PDE7B: variants seen among roughly 807,000 people sequenced by gnomAD.
The protein encoded by PDE7B is 3',5'-cyclic-AMP phosphodiesterase 7B.
PDE7B carries 29 observed loss-of-function variants against 56.2 expected under a neutral mutation model. The ratio of observed to expected loss-of-function variants is 0.52; its 90% confidence interval spans 0.38 to 0.70. The LOEUF (loss-of-function observed/expected upper bound fraction) is 0.70, where lower values mean the gene tolerates loss of function less well. Among genes scored for constraint, PDE7B ranks in the 30% least tolerant of loss-of-function variants. PDE7B has a pLI of 0.00. For synonymous variants in PDE7B, 197 were observed against 196.9 expected, an observed-to-expected ratio of 1.00 and a Z score of 0.00; for missense variants, 490 against 565.0, an observed-to-expected ratio of 0.87 and a Z score of 1.35.
At chr6:135,935,192 A>ATATATATATATATTTT (rs1774397514) in intron 1 of PDE7B, among the ~76,000 whole-genome samples, 1 of 72,470 alleles carries the variant, frequency 1.4e-5, no homozygotes, top group Non-Finnish European at 2.2e-5. Flanking sequence ...ATATTTATTT[A>ATATATATATATATTTT]TATATATATA....
intron 3 of PDE7B, among the ~76,000 whole-genome samples, chr6:136,137,702 G>A (rs909773662): frequency 1.3e-5 from 2 of 151,982 alleles, no homozygotes; most frequent in African/African-American, 4.8e-5. Context: ...AAATTAATCA[G>A]CCCCTATACA....
At chr6:136,013,964 G>A (rs1038704166) in intron 2 of PDE7B, among the ~76,000 whole-genome samples, 18 of 152,112 alleles carry the variant, frequency 1.2e-4, no homozygotes, top group African/African-American at 3.9e-4. Context: ...TTCTCTGAGC[G>A]GTTCTTCCTG....
At chr6:136,181,418 T>A (rs1256924567) in intron 11 of PDE7B, 95 bp downstream of exon 11, 1 of 791,250 alleles carries the variant, frequency 1.3e-6, no homozygotes, top group Non-Finnish European at 2.2e-6. Context: ...ATCATGACAT[T>A]TGTTCTCTCA....
At chr6:136,051,964 C>T (rs1270477718) in intron 2 of PDE7B, among the ~76,000 whole-genome samples, 1 of 151,270 alleles carries the variant, frequency 6.6e-6, no homozygotes, top group Non-Finnish European at 1.5e-5. Flanking sequence ...TAAGCAGAGG[C>T]ACATGTATGG....
At chr6:135,912,100 CCA>C (rs954159455) in intron 1 of PDE7B, among the ~76,000 whole-genome samples, 3 of 152,232 alleles carry the variant, frequency 2.0e-5, no homozygotes, top group Non-Finnish European at 4.4e-5. Flanking sequence ...TCACTTTCCA[CCA>C]CACACACGTT....
intron 2 of PDE7B, among the ~76,000 whole-genome samples, chr6:135,948,838 A>T (rs1261113630): frequency 1.3e-5 from 2 of 149,932 alleles, no homozygotes; most frequent in African/African-American, 4.9e-5. Flanking sequence ...CTAATATTTC[A>T]GGTACTAGAT....
intron 1 of PDE7B, among the ~76,000 whole-genome samples, chr6:135,889,815 C>T (rs563509821): frequency 1.7e-4 from 23 of 134,382 alleles, no homozygotes; most frequent in South Asian, 9.6e-4. Context: ...GCAAATGACG[C>T]GATCTCAGCT....
chr6:135,963,807 G>A (rs1339122722), intron 2 of PDE7B, among the ~76,000 whole-genome samples: 1 of 152,124 alleles, frequency 6.6e-6, no homozygotes, highest in African/African-American at 2.4e-5. Context: ...TCTTTAGAGT[G>A]ACTTTTTTCT....
chr6:135,880,191 C>T (rs1775580890), intron 1 of PDE7B, among the ~76,000 whole-genome samples: 1 of 152,112 alleles, frequency 6.6e-6, no homozygotes, highest in African/African-American at 2.4e-5. Context: ...CTTGAGTTGC[C>T]TGACAGTAAA....
At chr6:135,973,173 A>G (rs1189012857) in intron 2 of PDE7B, among the ~76,000 whole-genome samples, 1 of 151,144 alleles carries the variant, frequency 6.6e-6, no homozygotes, top group African/African-American at 2.5e-5. Context: ...GTATTCTACT[A>G]TTTGATTCTA....
At chr6:135,995,450 A>G (rs1399582024) in intron 2 of PDE7B, among the ~76,000 whole-genome samples, 1 of 152,206 alleles carries the variant, frequency 6.6e-6, no homozygotes, top group East Asian at 1.9e-4. Flanking sequence ...GGCAGAACAA[A>G]TTTCTGACTC....
intron 2 of PDE7B, among the ~76,000 whole-genome samples, chr6:136,039,309 C>A (rs1776377424): frequency 6.6e-6 from 1 of 152,022 alleles, no homozygotes; most frequent in Admixed American, 6.6e-5. Flanking sequence ...ACAGGGCACT[C>A]TCTTTCTTTG....
At chr6:135,886,941 C>T (rs1775719967) in intron 1 of PDE7B, among the ~76,000 whole-genome samples, 1 of 152,056 alleles carries the variant, frequency 6.6e-6, no homozygotes, top group African/African-American at 2.4e-5. Flanking sequence ...AGGATCCTCC[C>T]TATTGTTTTC....
At chr6:136,042,438 C>T (rs928601288) in intron 2 of PDE7B, among the ~76,000 whole-genome samples, 1 of 152,174 alleles carries the variant, frequency 6.6e-6, no homozygotes, top group Non-Finnish European at 1.5e-5. Context: ...GGAAACTTAC[C>T]TTTCATTTCG....
chr6:135,971,700 A>G (rs1360313376), intron 2 of PDE7B, among the ~76,000 whole-genome samples: 1 of 152,178 alleles, frequency 6.6e-6, no homozygotes, highest in East Asian at 1.9e-4. Flanking sequence ...TACTCATTGC[A>G]TATGGTTAAG....
intron 2 of PDE7B, among the ~76,000 whole-genome samples, chr6:136,018,108 T>C (rs897614177): frequency 7.9e-5 from 12 of 152,206 alleles, no homozygotes; most frequent in African/African-American, 2.2e-4. Flanking sequence ...TTGGATTTTA[T>C]CTATAGTTTC....
At chr6:136,106,266 T>C (rs1176958818) in intron 2 of PDE7B, among the ~76,000 whole-genome samples, 1 of 152,226 alleles carries the variant, frequency 6.6e-6, no homozygotes, top group South Asian at 2.1e-4. Context: ...TTAAAGTCAG[T>C]GAGTCTATCA....
intron 10 of PDE7B, among the ~76,000 whole-genome samples, chr6:136,180,018 T>C (rs1779037904): frequency 6.7e-6 from 1 of 149,054 alleles, no homozygotes; most frequent in African/African-American, 2.6e-5. Context: ...CATTTTCTCT[T>C]GTCTTCCTTC....
chr6:136,072,673 G>C (rs1002924155), intron 2 of PDE7B: 1 of 152,220 alleles, frequency 6.6e-6, no homozygotes, highest in Non-Finnish European at 1.5e-5. Context: ...GGACATGGCC[G>C]TTCTGGCTAA....
Sources: allele counts gnomAD v4.1 joint callset (sites outside exome capture counted in the v4.1 genomes callset), GRCh38; gene constraint gnomAD v4.1.1; transcripts MANE v1.5; gene names NCBI Gene and HGNC (gene_info 2026-07-23, HGNC 2026-07-21).